The following ZNF141 variants were observed in gnomAD, a reference collection of about 807,000 sequenced individuals.
The protein encoded by ZNF141 is zinc finger protein 141, also known as zinc finger protein 141 (clone pHZ-44).
In ZNF141, 7 loss-of-function variants were observed where a neutral mutation model predicts 11.3. The ratio of observed to expected loss-of-function variants is 0.62; its 90% CI spans 0.35 to 1.16. The LOEUF is 1.16. Among genes scored for constraint, ZNF141 ranks in the 50% most tolerant of loss-of-function variants. The pLI is 0.02. For synonymous variants in ZNF141, 183 were observed against 190.7 expected, an observed-to-expected ratio of 0.96 and a Z score of 0.33; for missense variants, 535 against 554.0, an observed-to-expected ratio of 0.97 and a Z score of 0.34.
chr4:343,817 C>T lies in ZNF141; in HGVS notation c.39C>T (p.Phe13=). 1 of 1,572,500 alleles carries T rather than the reference C, an allele frequency of 6.4e-7. No individual in the cohort carries two copies. Among genetic ancestry groups the T allele is most frequent in the Non-Finnish European group, 8.6e-7 (1 of 1,157,710 alleles). ...CATTCAGGGATGTGGCCATAGAATT[C>T]TCTCCAGAAGAGTGGAAATGCCTGG... ...LLTFRDVAIE[F]SPEEWKCLDP... The change falls in exon 2 of 4, where the codon TTC becomes TTT. Residue 13 remains phenylalanine (F), a synonymous_variant. Coordinates refer to ENST00000240499, the MANE Select transcript of ZNF141 (RefSeq NM_003441.4).
chr4:368,025 C>T (rs1553853128), intron 3 of ZNF141, among the ~76,000 whole-genome samples: 1 of 152,068 alleles, frequency 6.6e-6, no homozygotes, highest in Non-Finnish European at 1.5e-5. Flanking sequence ...TAAACAACTA[C>T]CTACTTTTTC....
In ZNF141 at chr4:379,322, A is replaced by G. The variant is rs147775107; in HGVS notation, c.*5460A>G. 3.3e-5 allele frequency among the ~76,000 whole-genome samples: 5 copies of G among 152,178 alleles called. No homozygotes were observed. In the East Asian group the frequency reaches 7.7e-4, roughly 24 times the overall value. On this transcript the variant is annotated 3_prime_UTR_variant, in exon 4 of 4. Transcript: ENST00000240499. The stretch of plus-strand genomic sequence containing the variant: ...TAGAGTGTATTGTCTTGTATTATAT[A>G]TTGTTCTGGGTCTAAGCCATGCTAG...
Position 375,144 on chromosome 4 carries a change from C to G in ZNF141, c.*1282C>G, listed in dbSNP as rs556641557. 1.3e-5 allele frequency: 2 copies of G among 152,206 alleles called. No homozygotes were observed. The highest frequency in any genetic ancestry group is 3.9e-4 in the East Asian group (2 of 5,192). 9.4% of individuals were successfully genotyped at this position (152,206 alleles called of 1,614,324 possible). ...AAAAGTCATATCTCCTCACATTTTA[C>G]TAACTAGCAATGTTCATACTTAATA... On this transcript the variant is annotated 3_prime_UTR_variant, in exon 4 of 4. Coordinates refer to ENST00000240499, the MANE Select transcript of ZNF141 (RefSeq NM_003441.4).
chr4:361,398 T>C (rs1722106177), intron 3 of ZNF141, among the ~76,000 whole-genome samples: 1 of 151,890 alleles, frequency 6.6e-6, no homozygotes, highest in Non-Finnish European at 1.5e-5. Flanking sequence ...TTTTTTTTTT[T>C]TTTTAAGTTC....
chr4:340,893 G>A (rs1721014582), intron 1 of ZNF141, among the ~76,000 whole-genome samples: 1 of 152,056 alleles, frequency 6.6e-6, no homozygotes, highest in South Asian at 2.1e-4. Context: ...CTTTCTATCA[G>A]TTCCGTCTGC....
chr4:360,521 A>C (rs1722059639), intron 3 of ZNF141, among the ~76,000 whole-genome samples: 1 of 152,184 alleles, frequency 6.6e-6, no homozygotes, highest in African/African-American at 2.4e-5. Flanking sequence ...TATTATATTC[A>C]ATATTTTATA....
At chr4:342,713 A>G in intron 1 of ZNF141, 1 of 1,083,492 alleles carries the variant, frequency 9.2e-7, no homozygotes, top group Non-Finnish European at 1.4e-6. Context: ...TGTTCTGCCC[A>G]CAGATCCTGT....
chr4:344,056 G>C lies in ZNF141; in HGVS notation c.130+148G>C, dbSNP rs116240104. ...AATTTGAGTCCTTCACTCTAGGTTAGTGGTAATTCTAGAAATTCAATGACA... is the reference window on the plus strand; with the variant it reads ...AATTTGAGTCCTTCACTCTAGGTTACTGGTAATTCTAGAAATTCAATGACA... On this transcript the variant is annotated intron_variant, in intron 2 of 3. Transcript: ENST00000240499. 1,925 of 1,197,934 alleles carry C rather than the reference G, an allele frequency of 1.6e-3. 28 individuals carry two copies. In the African/African-American group the frequency reaches 0.027, roughly 17 times the overall value. 74.2% of individuals were successfully genotyped at this position (1,197,934 alleles called of 1,614,324 possible).
intron 3 of ZNF141, among the ~76,000 whole-genome samples, chr4:355,129 C>T (rs1721782585): frequency 6.6e-6 from 1 of 151,540 alleles, no homozygotes; most frequent in Admixed American, 6.6e-5. Context: ...GACAAATTAG[C>T]CTCATCACTA....
rs58531094 is a variant in ZNF141, at chr4:368,147, A to G, written c.227-4517A>G. 8.0e-3 allele frequency among the ~76,000 whole-genome samples: 1,211 copies of G among 152,218 alleles called. 16 individuals carry two copies. The highest frequency in any genetic ancestry group is 0.028 in the African/African-American group (1,144 of 41,526). ...ATTTTTGTCTCTTCATGGCTGACTTATTTTGTGTTACACAGTGCCATCAAC... is the reference window on the plus strand; with the variant it reads ...ATTTTTGTCTCTTCATGGCTGACTTGTTTTGTGTTACACAGTGCCATCAAC... On this transcript the variant is annotated intron_variant, in intron 3 of 3. Transcript: ENST00000240499.
rs894705169 is a variant in ZNF141, at chr4:379,477, C to T, written c.*5615C>T. Among the ~76,000 whole-genome samples, 5 of 152,150 alleles carry T rather than the reference C, an allele frequency of 3.3e-5. No individual in the cohort carries two copies. The highest frequency in any genetic ancestry group is 5.9e-5 in the Non-Finnish European group (4 of 68,038). On this transcript the variant is annotated 3_prime_UTR_variant, in exon 4 of 4. Transcript: ENST00000240499. ...GCAACCTCCGCCTCTCAGGTTCAGG[C>T]GATTCTCCTGCCTCAGCCTCCTTAT... is the stretch of plus-strand genomic sequence containing the variant.
chr4:369,779 T>TG (rs1711965449), intron 3 of ZNF141, among the ~76,000 whole-genome samples: 1 of 127,214 alleles, frequency 7.9e-6, no homozygotes, highest in Non-Finnish European at 1.6e-5. Flanking sequence ...TTTTTTTTTT[T>TG]TTTTTGAGAG....
At chr4:372,610 T>C (rs1008261457) in intron 3 of ZNF141, 54 bp from the exon 4 acceptor site, 9 of 1,378,898 alleles carry the variant, frequency 6.5e-6, no homozygotes, top group Non-Finnish European at 8.8e-6. Flanking sequence ...ATTTGTAAAG[T>C]ATATTTATAT....
At position 373,116 on chromosome 4, in the gene ZNF141, T is replaced by G; in HGVS notation, c.679T>G (p.Phe227Val). 5.6e-6 allele frequency: 9 copies of G among 1,613,320 alleles called. No homozygotes were observed. The highest frequency in any genetic ancestry group is 7.6e-6 in the Non-Finnish European group (9 of 1,179,928). Reference sequence around the variant, plus strand: ...GAGAATTCATACTGGAGAGAAACCTTTTACTTGTGAAGAATGTGGCAGCAT... The same window carrying G: ...GAGAATTCATACTGGAGAGAAACCTGTTACTTGTGAAGAATGTGGCAGCAT... ...HKRIHTGEKPFTCEECGSIFT... is the reference protein window; with the variant it reads ...HKRIHTGEKPVTCEECGSIFT... Residue 227 changes from phenylalanine (F) to valine (V), a missense_variant, in exon 4 of 4, where the codon TTT becomes GTT. Phe to Val is a conservative substitution (Grantham distance 50). Transcript: ENST00000240499.
chr4:373,102 C>T lies in ZNF141; in HGVS notation c.665C>T (p.Thr222Ile), dbSNP rs782574269. The T allele has an allele frequency of 2.5e-6, 4 of 1,613,746 alleles. No individual in the cohort carries two copies. In the South Asian group the frequency reaches 4.4e-5, roughly 18 times the overall value. ...TTTAATGAACATAAGAGAATTCATA[C>T]TGGAGAGAAACCTTTTACTTGTGAA... is the stretch of plus-strand genomic sequence containing the variant. ...LIFNEHKRIH[T>I]GEKPFTCEEC... Residue 222 changes from threonine (T) to isoleucine (I), a missense_variant, in exon 4 of 4, where the codon ACT (threonine) becomes ATT (isoleucine). Thr to Ile is a moderately conservative substitution (Grantham distance 89, BLOSUM62 -1). Coordinates refer to ENST00000240499, the MANE Select transcript of ZNF141 (RefSeq NM_003441.4).
At chr4:349,041 A>T (rs1342883344) in intron 3 of ZNF141, among the ~76,000 whole-genome samples, 1 of 151,922 alleles carries the variant, frequency 6.6e-6, no homozygotes, top group East Asian at 1.9e-4. Flanking sequence ...CATTTGGTTA[A>T]ATTTATTTTG....
intron 3 of ZNF141, 76 bp from the exon 4 acceptor site, chr4:372,588 T>C: frequency 1.6e-6 from 2 of 1,286,920 alleles, no homozygotes; most frequent in East Asian, 4.9e-5. Context: ...GTATTTTGAA[T>C]AATTTCATAA....
intron 3 of ZNF141, among the ~76,000 whole-genome samples, chr4:345,201 A>G (rs1721263826): frequency 6.6e-6 from 1 of 152,278 alleles, no homozygotes; most frequent in East Asian, 1.9e-4. Context: ...CCTCTTTTCT[A>G]CTTAGTGTTT....
chr4:374,400 AC>A lies in ZNF141; in HGVS notation c.*540del. ...ATGCGAAGAATGTGGCACAGTCTTT[AC>A]CACATCCTCAAACTTTGTTAAACAT... On this transcript the variant is annotated 3_prime_UTR_variant, in exon 4 of 4. Coordinates refer to ENST00000240499, the MANE Select transcript of ZNF141 (RefSeq NM_003441.4). 2.8e-6 allele frequency: 1 copy of A among 358,122 alleles called. No individual in the cohort carries two copies. The highest frequency in any genetic ancestry group is 2.4e-5 in the South Asian group (1 of 42,470). The allele number at this position is 358,122 out of a possible 1,614,324, so 22.2% of individuals were successfully genotyped here. A position where few individuals can be genotyped will look rare whatever the true frequency, so the allele number is the denominator to read the frequency against.
Sources: allele counts gnomAD v4.1 joint callset (sites outside exome capture counted in the v4.1 genomes callset), GRCh38; gene constraint gnomAD v4.1.1; transcripts MANE v1.5; gene names NCBI Gene and HGNC (gene_info 2026-07-23, HGNC 2026-07-21).